OR2C1: variants seen among roughly 807,000 people sequenced by gnomAD.
OR2C1 encodes the protein olfactory receptor 2C1.
For synonymous variants in OR2C1, 209 were observed against 167.3 expected (o/e 1.25, Z -1.92); for missense variants, 468 against 388.3 (o/e 1.21, Z -1.73).
chr16:3,356,063 G>T lies in OR2C1; in HGVS notation c.123G>T (p.Gly41=), dbSNP rs1372125159. Residue 41 remains glycine, a synonymous_variant, in exon 1 of 1, where the codon GGG becomes GGT. Transcript: ENST00000304936. ...ILFSYLLTLL[G]NSTIILLSRL... is the part of the protein sequence containing the mutation. The stretch of plus-strand genomic sequence containing the variant: ...TCTCCTATTTGCTGACCCTACTTGG[G>T]AACTCAACCATCATCTTGCTTTCCC... 6.2e-7 allele frequency: 1 copy of T among 1,614,074 alleles called. No individual in the cohort carries two copies. The highest frequency in any genetic ancestry group is 1.7e-5 in the Admixed American group (1 of 59,996).
chr16:3,322,941 A>G, the OR2C1 span: 21 of 985,306 alleles, frequency 2.1e-5, no homozygotes, highest in Non-Finnish European at 2.5e-5. Flanking sequence ...AAGCAGGACT[A>G]CTTCCGCCGA....
At chr16:3,345,325 A>T in the OR2C1 span, among the ~76,000 whole-genome samples, 1 of 151,972 alleles carries the variant, frequency 6.6e-6, no homozygotes, top group Non-Finnish European at 1.5e-5. Flanking sequence ...TCTACTAAAA[A>T]AATACAAAAA....
upstream of OR2C1, among the ~76,000 whole-genome samples, chr16:3,353,809 A>AGAAAGAAG (rs201681403): frequency 0.02 from 3,024 of 151,686 alleles, 98 homozygotes; most frequent in African/African-American, 0.061. Context: ...TCAAAAAAAG[A>AGAAAGAAG]GAAAGAAGGA....
At chr16:3,325,502 TATAC>T in the OR2C1 span, among the ~76,000 whole-genome samples, 3 of 121,592 alleles carry the variant, frequency 2.5e-5, no homozygotes, top group East Asian at 5.0e-4. Context: ...TATATATATA[TATAC>T]ACTTTAAAAA....
chr16:3,327,560 A>G, the OR2C1 span, among the ~76,000 whole-genome samples: 1 of 151,650 alleles, frequency 6.6e-6, no homozygotes, highest in Admixed American at 6.6e-5. Flanking sequence ...TTATGAGAAC[A>G]CCAGGCATCC....
chr16:3,343,955 A>G, the OR2C1 span, among the ~76,000 whole-genome samples: 2 of 152,220 alleles, frequency 1.3e-5, no homozygotes, highest in African/African-American at 4.8e-5. Context: ...GCAATGGCTC[A>G]TGCTTGTAAT....
chr16:3,326,153 A>G, the OR2C1 span, among the ~76,000 whole-genome samples: 1 of 150,822 alleles, frequency 6.6e-6, no homozygotes, highest in Non-Finnish European at 1.5e-5. Flanking sequence ...CTGGTCTTAA[A>G]CTCCAGACCT....
chr16:3,357,672 C>T (rs890368730), downstream of OR2C1, among the ~76,000 whole-genome samples: 2 of 152,176 alleles, frequency 1.3e-5, no homozygotes, highest in African/African-American at 4.8e-5. Context: ...CCGCACCTGG[C>T]CTGTCTCTTC....
At chr16:3,328,303 G>A in the OR2C1 span, among the ~76,000 whole-genome samples, 530 of 152,290 alleles carry the variant, frequency 3.5e-3, 1 homozygote, top group East Asian at 7.5e-3. Flanking sequence ...AGAATTCCTC[G>A]TGCCATAAGC....
the OR2C1 span, among the ~76,000 whole-genome samples, chr16:3,332,914 A>T: frequency 6.6e-6 from 1 of 152,110 alleles, no homozygotes; most frequent in Non-Finnish European, 1.5e-5. Flanking sequence ...TTGCTAGATC[A>T]CATGGTAGTT....
chr16:3,337,632 T>C, the OR2C1 span, among the ~76,000 whole-genome samples: 1 of 152,218 alleles, frequency 6.6e-6, no homozygotes, highest in Admixed American at 6.5e-5. Flanking sequence ...ATTTCTCAGA[T>C]ACATTTTTGA....
At chr16:3,327,825 T>A in the OR2C1 span, among the ~76,000 whole-genome samples, 1 of 152,020 alleles carries the variant, frequency 6.6e-6, no homozygotes, top group Non-Finnish European at 1.5e-5. Context: ...GAGTTTCTCA[T>A]TTACTCACTT....
At chr16:3,344,364 C>G in the OR2C1 span, among the ~76,000 whole-genome samples, 1 of 152,040 alleles carries the variant, frequency 6.6e-6, no homozygotes, top group Non-Finnish European at 1.5e-5. Flanking sequence ...AATGTCCAAC[C>G]TCATTAGTAA....
At position 3,356,880 on chromosome 16, in the gene OR2C1, G is replaced by T; in HGVS notation, c.*1G>T. The T allele has an allele frequency of 6.4e-7, 1 of 1,573,366 alleles. No individual in the cohort carries two copies. Among genetic ancestry groups the T allele is most frequent in the South Asian group, 1.2e-5 (1 of 84,764 alleles). ...GGGGAAAGGAAGAGAAGTTGGCTGA[G>T]AGAACACTCCTTCGTTATTTATTGC... On this transcript the variant is annotated 3_prime_UTR_variant, in exon 1 of 1. Coordinates refer to ENST00000304936, the MANE Select transcript of OR2C1 (RefSeq NM_012368.3).
the OR2C1 span, among the ~76,000 whole-genome samples, chr16:3,336,398 G>A: frequency 9.7e-3 from 1,475 of 151,944 alleles, 7 homozygotes; most frequent in Non-Finnish European, 0.013. Flanking sequence ...GTCTCGCTCT[G>A]TTGCTCAGGC....
the OR2C1 span, among the ~76,000 whole-genome samples, chr16:3,338,796 A>G: frequency 1.3e-5 from 2 of 152,064 alleles, no homozygotes; most frequent in Non-Finnish European, 2.9e-5. Flanking sequence ...TCGGCCTCCC[A>G]AAGTGCTGGG....
the OR2C1 span, among the ~76,000 whole-genome samples, chr16:3,329,187 C>CACACACAA: frequency 6.7e-6 from 1 of 150,086 alleles, no homozygotes; most frequent in African/African-American, 2.5e-5. Context: ...CACACACACA[C>CACACACAA]ACACACACAC....
chr16:3,356,224 G>C lies in OR2C1; in HGVS notation c.284G>C (p.Gly95Ala), dbSNP rs1193030646. 1 of 1,614,166 alleles carries C rather than the reference G, an allele frequency of 6.2e-7. No homozygotes were observed. Among genetic ancestry groups the C allele is most frequent in the Non-Finnish European group, 8.5e-7 (1 of 1,180,048 alleles). ...LWGPGKTISYGGCITQLYVFL... is the reference protein window; with the variant it reads ...LWGPGKTISYAGCITQLYVFL... The stretch of plus-strand genomic sequence containing the variant: ...GGACCAGGCAAGACCATCAGCTATG[G>C]TGGCTGCATAACCCAGCTCTATGTC... Residue 95 changes from glycine (G) to alanine (A), a missense_variant, in exon 1 of 1, where the codon GGT becomes GCT. Coordinates refer to ENST00000304936, the MANE Select transcript of OR2C1 (RefSeq NM_012368.3).
In OR2C1 at chr16:3,356,249, C is replaced by T. The variant is rs373844589; in HGVS notation, c.309C>T (p.Val103=). ...GTGGCTGCATAACCCAGCTCTATGT[C>T]TTCCTTTGGCTGGGGGCCACCGAGT... is the stretch of plus-strand genomic sequence containing the variant. The part of the protein sequence containing the change: ...SYGGCITQLY[V]FLWLGATECI... The change falls in exon 1 of 1, where the codon GTC becomes GTT. Residue 103 remains valine, a synonymous_variant. Transcript: ENST00000304936. 6.2e-7 allele frequency: 1 copy of T among 1,614,074 alleles called. No individual in the cohort carries two copies.
Sources: gnomAD v4.1 joint callset for allele counts (sites outside exome capture counted in the v4.1 genomes callset) on GRCh38, gnomAD v4.1.1 for gene constraint, MANE v1.5 for transcripts, NCBI Gene and HGNC (gene_info 2026-07-23, HGNC 2026-07-21) for gene names.